RPTOR: variants seen among roughly 807,000 people sequenced by gnomAD.
RPTOR encodes regulatory-associated protein of mTOR.
Under a neutral mutation model 169.9 loss-of-function variants are expected in RPTOR, and 21 were observed. That is an observed-to-expected ratio of 0.12 (90% CI 0.09 to 0.18). The LOEUF (loss-of-function observed/expected upper bound fraction) is 0.18. RPTOR is among the 10% of genes least tolerant of loss of function. The pLI is 1.00. For synonymous variants in RPTOR, 732 were observed against 753.2 expected (o/e 0.97, Z 0.46); for missense variants, 1,133 against 1,855.9 (o/e 0.61, Z 7.16).
intron 1 of RPTOR, among the ~76,000 whole-genome samples, chr17:80,560,670 C>T (rs114756726): frequency 6.6e-6 from 1 of 152,250 alleles, no homozygotes; most frequent in African/African-American, 2.4e-5. Flanking sequence ...CTGGGGGCCT[C>T]CTGCAAGGGG....
chr17:80,611,839 CT>C (rs1376098220), intron 1 of RPTOR, among the ~76,000 whole-genome samples: 4 of 151,902 alleles, frequency 2.6e-5, no homozygotes, highest in Middle Eastern at 3.4e-3. Flanking sequence ...TTTTCCCCCC[CT>C]GTAAATGACA....
chr17:80,578,037 T>C (rs2064981081), intron 1 of RPTOR, among the ~76,000 whole-genome samples: 1 of 152,230 alleles, frequency 6.6e-6, no homozygotes, highest in African/African-American at 2.4e-5. Flanking sequence ...AGATAGCCTC[T>C]CTGCTCATGA....
chr17:80,902,629 C>T (rs1445171854), intron 20 of RPTOR, among the ~76,000 whole-genome samples: 1 of 152,262 alleles, frequency 6.6e-6, no homozygotes, highest in Non-Finnish European at 1.5e-5. Flanking sequence ...CTGACGGCCA[C>T]AAGTGGCCGT....
intron 7 of RPTOR, chr17:80,802,913 C>G (rs911321941): frequency 6.6e-6 from 1 of 152,432 alleles, no homozygotes; most frequent in African/African-American, 2.4e-5. Context: ...TGCCTCTTCT[C>G]TAGACGCATC....
chr17:80,729,841 G>A (rs2066374323), intron 4 of RPTOR, among the ~76,000 whole-genome samples: 1 of 152,198 alleles, frequency 6.6e-6, no homozygotes, highest in South Asian at 2.1e-4. Flanking sequence ...GACAGCTGTG[G>A]GTCCATGGAG....
intron 5 of RPTOR, among the ~76,000 whole-genome samples, chr17:80,745,742 G>A (rs981999409): frequency 6.6e-6 from 1 of 152,220 alleles, no homozygotes; most frequent in Non-Finnish European, 1.5e-5. Context: ...TTACCGAGGA[G>A]ATGCTATTTT....
At chr17:80,733,885 A>G (rs755133869) in intron 5 of RPTOR, among the ~76,000 whole-genome samples, 2 of 152,102 alleles carry the variant, frequency 1.3e-5, no homozygotes, top group Admixed American at 1.3e-4. Flanking sequence ...TTTTATTTCT[A>G]GTTTTATCAG....
Position 80,706,059 on chromosome 17 carries a change from T to C in RPTOR, c.349-1782T>C, listed in dbSNP as rs566114136. On this transcript the variant is annotated intron_variant, in intron 3 of 33. Coordinates refer to ENST00000306801, the MANE Select transcript of RPTOR (RefSeq NM_020761.3). Reference sequence around the variant, plus strand: ...ATGGCATTGGCCTTACTTATTTTAGTTGTTTTTAAAAGAAAGTTTTAAAAG... The same window carrying C: ...ATGGCATTGGCCTTACTTATTTTAGCTGTTTTTAAAAGAAAGTTTTAAAAG... 5.9e-5 allele frequency among the ~76,000 whole-genome samples: 9 copies of C among 152,364 alleles called. No individual in the cohort carries two copies. In the East Asian group the frequency reaches 1.5e-3, roughly 26 times the overall value.
chr17:80,821,669 C>G (rs1174760876), intron 7 of RPTOR, among the ~76,000 whole-genome samples: 1 of 152,228 alleles, frequency 6.6e-6, no homozygotes, highest in Non-Finnish European at 1.5e-5. Flanking sequence ...ACCTGTCCTT[C>G]CCCCTAGACC....
At chr17:80,934,687 A>C (rs570019619) in intron 24 of RPTOR, among the ~76,000 whole-genome samples, 203 of 152,342 alleles carry the variant, frequency 1.3e-3, no homozygotes, top group African/African-American at 4.7e-3. Context: ...AACTCAACAC[A>C]GAAAACTTCT....
intron 13 of RPTOR, among the ~76,000 whole-genome samples, chr17:80,866,229 ATACAT>A (rs2067989085): frequency 6.7e-6 from 1 of 150,288 alleles, no homozygotes; most frequent in Non-Finnish European, 1.5e-5. Flanking sequence ...CATTAAATAA[ATACAT>A]TATATAAACA....
At chr17:80,625,255 A>G (rs1411678207) in intron 1 of RPTOR, among the ~76,000 whole-genome samples, 3 of 152,258 alleles carry the variant, frequency 2.0e-5, no homozygotes, top group African/African-American at 7.2e-5. Flanking sequence ...TCAATACGAC[A>G]GCTTTTCTCA....
intron 24 of RPTOR, among the ~76,000 whole-genome samples, chr17:80,932,772 C>G (rs921977419): frequency 6.6e-6 from 1 of 152,172 alleles, no homozygotes; most frequent in Non-Finnish European, 1.5e-5. Context: ...ACCACAGATC[C>G]AGCAAAGATC....
At chr17:80,656,899 G>A (rs908445977) in intron 3 of RPTOR, among the ~76,000 whole-genome samples, 1 of 152,228 alleles carries the variant, frequency 6.6e-6, no homozygotes, top group African/African-American at 2.4e-5. Context: ...GAGCCGCGGG[G>A]ACACTGCCCA....
At chr17:80,901,995 G>T (rs2068482466) in intron 20 of RPTOR, among the ~76,000 whole-genome samples, 2 of 152,170 alleles carry the variant, frequency 1.3e-5, no homozygotes, top group Non-Finnish European at 2.9e-5. Context: ...ATAAATGTTT[G>T]TGAAACTAAA....
chr17:80,760,487 A>C (rs1368144434), intron 6 of RPTOR, among the ~76,000 whole-genome samples: 2 of 151,680 alleles, frequency 1.3e-5, no homozygotes, highest in African/African-American at 2.4e-5. Context: ...TTTTTAGTAG[A>C]GATGAGATTT....
At position 80,860,856 on chromosome 17, in the gene RPTOR, C is replaced by T. The variant is rs909208952; in HGVS notation, c.1509+2956C>T. ...TGACCATGGCTCTGCTGGCACGGGT[C>T]GGCTACCGTGCTTGCCATCTCTCCC... On this transcript the variant is annotated intron_variant, in intron 13 of 33. Coordinates refer to ENST00000306801, the MANE Select transcript of RPTOR (RefSeq NM_020761.3). This position sits in a 1 kb window ranked among gnomAD's most constrained non-coding sequence, Gnocchi z 5.8. Among the ~76,000 whole-genome samples, 1 of 152,036 alleles carries T rather than the reference C, an allele frequency of 6.6e-6. No individual in the cohort carries two copies. Among genetic ancestry groups the T allele is most frequent in the African/African-American group, 2.4e-5 (1 of 41,396 alleles).
At position 80,959,181 on chromosome 17, in the gene RPTOR, TC is replaced by T. The variant is rs1320625982; in HGVS notation, c.3478-894del. On this transcript the variant is annotated intron_variant, in intron 29 of 33. Coordinates refer to ENST00000306801, the MANE Select transcript of RPTOR (RefSeq NM_020761.3). This position sits in a 1 kb window ranked among gnomAD's most constrained non-coding sequence, Gnocchi z 6.7. The stretch of plus-strand genomic sequence containing the variant: ...GCCTCCCCTCTGACGTGACCGTGGA[TC>T]CCTCGAGGCACCAGCAGCTTTCATG... Among the ~76,000 whole-genome samples, 1 of 152,196 alleles carries T rather than the reference TC, an allele frequency of 6.6e-6. No homozygotes were observed. Among genetic ancestry groups the T allele is most frequent in the Non-Finnish European group, 1.5e-5 (1 of 68,030 alleles).
At chr17:80,777,421 T>C (rs188494309) in intron 6 of RPTOR, among the ~76,000 whole-genome samples, 24 of 152,240 alleles carry the variant, frequency 1.6e-4, no homozygotes, top group Admixed American at 8.5e-4. Context: ...CTAGAGAAAG[T>C]GTCTCTGGTA....
Sources: gnomAD v4.1 joint callset for allele counts (sites outside exome capture counted in the v4.1 genomes callset) on GRCh38, gnomAD v4.1.1 for gene constraint, Gnocchi (gnomAD v3.1) non-coding constraint, MANE v1.5 for transcripts, NCBI Gene and HGNC (gene_info 2026-07-23, HGNC 2026-07-21) for gene names.